NCOR1: variants seen among roughly 807,000 people sequenced by gnomAD.
NCOR1 encodes the protein protein phosphatase 1, regulatory subunit 109.
NCOR1 carries 63 observed loss-of-function variants against 288.1 expected under a neutral mutation model. That is an observed-to-expected ratio of 0.22 (90% confidence interval 0.18 to 0.27). The LOEUF is 0.27. NCOR1 is among the 10% of genes least tolerant of loss of function. The pLI, the probability that NCOR1 is intolerant of heterozygous loss-of-function variation, is 1.00. For synonymous variants in NCOR1, 1,007 were observed against 1,065.9 expected (o/e 0.94, Z 1.08); for missense variants, 2,397 against 3,019.2 (o/e 0.79, Z 4.83).
At chr17:16,142,732 A>G (rs563084541) in intron 11 of NCOR1, among the ~76,000 whole-genome samples, 5 of 152,324 alleles carry the variant, frequency 3.3e-5, no homozygotes, top group African/African-American at 1.2e-4. Context: ...AACTGAGACT[A>G]GACATTGAGT....
intron 44 of NCOR1, 125 bp from the exon 45 acceptor site, chr17:16,035,069 G>A (rs1973950613): frequency 1.2e-6 from 1 of 868,628 alleles, no homozygotes; most frequent in East Asian, 2.6e-5. Flanking sequence ...CCAGATCCTG[G>A]TACTCAATGA....
At chr17:16,033,987 C>T (rs767281338) in intron 45 of NCOR1, among the ~76,000 whole-genome samples, 3 of 152,152 alleles carry the variant, frequency 2.0e-5, no homozygotes, top group Non-Finnish European at 2.9e-5. Context: ...TGAGCCACCG[C>T]GCCCAGCTAG....
intron 18 of NCOR1, among the ~76,000 whole-genome samples, chr17:16,112,293 C>T (rs1309554156): frequency 6.6e-6 from 1 of 152,132 alleles, no homozygotes; most frequent in African/African-American, 2.4e-5. Flanking sequence ...GTTTTGGTTG[C>T]TACAGCATAT....
chr17:16,193,213 ATAAAC>A (rs1378920822), intron 2 of NCOR1, among the ~76,000 whole-genome samples: 1 of 152,146 alleles, frequency 6.6e-6, no homozygotes, highest in African/African-American at 2.4e-5. Context: ...GTGTATATAT[ATAAAC>A]TAAACTGCAA....
At chr17:16,069,090 A>G (rs547380347) in intron 31 of NCOR1, among the ~76,000 whole-genome samples, 6 of 152,158 alleles carry the variant, frequency 3.9e-5, no homozygotes, top group African/African-American at 1.2e-4. Context: ...AAAGGGTACA[A>G]TTCACAGTGG....
At chr17:16,138,949 A>C (rs898564475) in intron 12 of NCOR1, 59 bp downstream of exon 12, 5 of 1,289,996 alleles carry the variant, frequency 3.9e-6, no homozygotes, top group Non-Finnish European at 5.2e-6. Flanking sequence ...GTAAATGCCA[A>C]ATACTTTTTA....
intron 35 of NCOR1, 72 bp downstream of exon 35, chr17:16,063,996 G>A (rs1040318112): frequency 2.5e-5 from 36 of 1,451,270 alleles, no homozygotes; most frequent in East Asian, 5.1e-5. Flanking sequence ...CTTTTTGTGC[G>A]CAGCATTAAG....
At chr17:16,034,405 G>A (rs1337875282) in intron 45 of NCOR1, among the ~76,000 whole-genome samples, 4 of 151,980 alleles carry the variant, frequency 2.6e-5, no homozygotes, top group African/African-American at 7.2e-5. Flanking sequence ...CCTGGGCAAC[G>A]TAGTGAGACC....
At chr17:16,047,850 G>A (rs1407476354) in intron 41 of NCOR1, among the ~76,000 whole-genome samples, 1 of 152,148 alleles carries the variant, frequency 6.6e-6, no homozygotes, top group African/African-American at 2.4e-5. Context: ...TGCCAGGAAA[G>A]ACAATTAAGG....
At chr17:16,039,755 C>T in intron 43 of NCOR1, 101 bp from the exon 44 acceptor site, 2 of 1,051,340 alleles carry the variant, frequency 1.9e-6, no homozygotes, top group Non-Finnish European at 2.8e-6. Context: ...CAGCACTTGG[C>T]AAGTGACCTA....
At chr17:16,045,508 TATTA>T (rs1217907720) in intron 42 of NCOR1, among the ~76,000 whole-genome samples, 12 of 152,202 alleles carry the variant, frequency 7.9e-5, no homozygotes, top group Admixed American at 7.2e-4. Context: ...ATTTTTATTT[TATTA>T]ATTTATTATT....
intron 11 of NCOR1, among the ~76,000 whole-genome samples, chr17:16,143,307 T>C (rs1353934876): frequency 6.6e-6 from 1 of 152,208 alleles, no homozygotes; most frequent in Non-Finnish European, 1.5e-5. Context: ...ACCTTTCTAT[T>C]ACACTCGCCT....
intron 3 of NCOR1, among the ~76,000 whole-genome samples, chr17:16,178,021 C>T (rs985158788): frequency 5.3e-5 from 8 of 149,922 alleles, no homozygotes; most frequent in African/African-American, 1.7e-4. Flanking sequence ...ACTAGCCTGG[C>T]CAACATGGTG....
chr17:16,192,921 CA>C (rs2088828996), intron 2 of NCOR1, among the ~76,000 whole-genome samples: 1 of 151,992 alleles, frequency 6.6e-6, no homozygotes, highest in Non-Finnish European at 1.5e-5. Flanking sequence ...TTATGGGAAG[CA>C]AAAGAGGCCA....
intron 14 of NCOR1, among the ~76,000 whole-genome samples, chr17:16,131,022 T>C (rs2153225140): frequency 6.8e-6 from 1 of 146,786 alleles, no homozygotes; most frequent in South Asian, 2.2e-4. Flanking sequence ...TGGATCTCCT[T>C]CTGTCGCCCA....
intron 21 of NCOR1, among the ~76,000 whole-genome samples, chr17:16,092,678 TATATATA>T (rs2065507069): frequency 2.0e-4 from 5 of 25,004 alleles, no homozygotes; most frequent in South Asian, 2.3e-3. Context: ...TATATATATA[TATATATA>T]TATATATATA....
At chr17:16,080,169 A>G (rs1179776356) in intron 25 of NCOR1, 105 bp from the exon 26 acceptor site, 1 of 963,140 alleles carries the variant, frequency 1.0e-6, no homozygotes, top group Non-Finnish European at 1.6e-6. Context: ...AAGAAAAGAA[A>G]AAAGCAGCAC....
chr17:16,058,149 C>A, intron 38 of NCOR1, 85 bp from the exon 39 acceptor site: 1 of 1,448,070 alleles, frequency 6.9e-7, no homozygotes, highest in Non-Finnish European at 9.6e-7. Flanking sequence ...TTCAGAAGAA[C>A]ACCTGAAAGG....
At chr17:16,175,325 A>C (rs2083928215) in intron 3 of NCOR1, among the ~76,000 whole-genome samples, 1 of 152,048 alleles carries the variant, frequency 6.6e-6, no homozygotes, top group African/African-American at 2.4e-5. Flanking sequence ...AGATCACGCC[A>C]CTGCACAACA....
Sources: allele counts gnomAD v4.1 joint callset (sites outside exome capture counted in the v4.1 genomes callset), GRCh38; gene constraint gnomAD v4.1.1; transcripts MANE v1.5; gene names NCBI Gene and HGNC (gene_info 2026-07-23, HGNC 2026-07-21).